Variants in NAALADL2 observed in about 807,000 individuals in gnomAD.
NAALADL2 encodes N-acetylated alpha-linked acidic dipeptidase like 2, also known as inactive N-acetylated-alpha-linked acidic dipeptidase-like protein 2.
In NAALADL2, 76 loss-of-function variants were observed where a neutral mutation model predicts 87.2. That is an observed-to-expected ratio of 0.87 (90% CI 0.72 to 1.05). The LOEUF (loss-of-function observed/expected upper bound fraction) is 1.05, where lower values mean the gene tolerates loss of function less well. NAALADL2 is among the 50% of genes least tolerant of loss of function. NAALADL2 has a pLI of 0.00. For missense variants in NAALADL2, 1,089 were observed against 945.8 expected, an observed-to-expected ratio of 1.15 and a Z score of -1.99; for synonymous variants, 354 against 331.0, an observed-to-expected ratio of 1.07 and a Z score of -0.75.
chr3:174,618,021 T>G (rs1330892683), intron 2 of NAALADL2, among the ~76,000 whole-genome samples: 2 of 151,688 alleles, frequency 1.3e-5, no homozygotes, highest in Non-Finnish European at 3.0e-5. Context: ...AGAAATTCTT[T>G]TAGATATGAA....
intron 3 of NAALADL2, among the ~76,000 whole-genome samples, chr3:175,240,219 C>A (rs58525093): frequency 6.6e-6 from 1 of 152,114 alleles, no homozygotes; most frequent in East Asian, 1.9e-4. Context: ...GAATGCAGAA[C>A]GATTAATCAT....
chr3:174,744,831 C>G (rs1280491962), intron 3 of NAALADL2, among the ~76,000 whole-genome samples: 2 of 152,214 alleles, frequency 1.3e-5, no homozygotes, highest in Middle Eastern at 3.4e-3. Context: ...ATTGAACAAC[C>G]TGTCCCTGAA....
chr3:174,961,089 TATTA>T (rs1258695622), intron 1 of NAALADL2, among the ~76,000 whole-genome samples: 1 of 147,922 alleles, frequency 6.8e-6, no homozygotes, highest in Non-Finnish European at 1.5e-5. Context: ...CATTAAATAA[TATTA>T]ATATAATATA....
At chr3:174,723,907 T>C (rs1731950805) in intron 2 of NAALADL2, among the ~76,000 whole-genome samples, 1 of 152,102 alleles carries the variant, frequency 6.6e-6, no homozygotes, top group African/African-American at 2.4e-5. Flanking sequence ...TGGCCGCTAT[T>C]AGTACGTATG....
chr3:174,711,959 C>T (rs1270491802), intron 2 of NAALADL2, among the ~76,000 whole-genome samples: 1 of 152,016 alleles, frequency 6.6e-6, no homozygotes, highest in Admixed American at 6.5e-5. Context: ...GCCACCACAC[C>T]TGGTTAATTT....
chr3:175,351,364 T>G (rs1219733520), intron 5 of NAALADL2, among the ~76,000 whole-genome samples: 1 of 152,072 alleles, frequency 6.6e-6, no homozygotes, highest in Non-Finnish European at 1.5e-5. Context: ...AATTTTAGTT[T>G]CATACATGAA....
At chr3:174,499,404 A>G (rs866650692) in intron 1 of NAALADL2, among the ~76,000 whole-genome samples, 49 of 152,110 alleles carry the variant, frequency 3.2e-4, no homozygotes, top group Admixed American at 2.8e-3. Flanking sequence ...TGTCATTTAA[A>G]TAGCAGAAGT....
chr3:174,893,354 T>G (rs1382210801), intron 1 of NAALADL2, among the ~76,000 whole-genome samples: 1 of 148,758 alleles, frequency 6.7e-6, no homozygotes, highest in Non-Finnish European at 1.5e-5. Flanking sequence ...AATAATCACC[T>G]GAAGGTACAA....
chr3:175,151,903 C>T (rs1368252535), intron 2 of NAALADL2, among the ~76,000 whole-genome samples: 2 of 152,142 alleles, frequency 1.3e-5, no homozygotes, highest in African/African-American at 2.4e-5. Context: ...GTGAAGGGAA[C>T]ATAGTAATTA....
intron 2 of NAALADL2, among the ~76,000 whole-genome samples, chr3:174,701,186 T>A (rs1012047492): frequency 2.0e-5 from 3 of 151,090 alleles, no homozygotes; most frequent in African/African-American, 7.3e-5. Flanking sequence ...TAATATTTGA[T>A]AATTTTATAA....
At chr3:175,011,016 A>G (rs76697184) in intron 1 of NAALADL2, among the ~76,000 whole-genome samples, 2 of 152,142 alleles carry the variant, frequency 1.3e-5, no homozygotes, top group African/African-American at 2.4e-5. Context: ...TCCTATCAGA[A>G]TTACTAGATT....
At chr3:174,919,906 T>G (rs1467133045) in intron 1 of NAALADL2, among the ~76,000 whole-genome samples, 1 of 152,134 alleles carries the variant, frequency 6.6e-6, no homozygotes, top group Non-Finnish European at 1.5e-5. Flanking sequence ...TTAATCTCCT[T>G]GTACACCTCC....
At chr3:175,377,943 GC>G in intron 5 of NAALADL2, among the ~76,000 whole-genome samples, 1 of 151,640 alleles carries the variant, frequency 6.6e-6, no homozygotes, top group East Asian at 1.9e-4. Flanking sequence ...AATAAACCCC[GC>G]CCCCTGCATT....
At chr3:174,981,872 A>G (rs1745167069) in intron 1 of NAALADL2, among the ~76,000 whole-genome samples, 1 of 152,180 alleles carries the variant, frequency 6.6e-6, no homozygotes, top group Non-Finnish European at 1.5e-5. Flanking sequence ...ACCAGCCATC[A>G]GATCTAATTT....
chr3:175,464,232 C>A (rs183276410), intron 7 of NAALADL2, among the ~76,000 whole-genome samples: 1 of 151,888 alleles, frequency 6.6e-6, no homozygotes, highest in East Asian at 1.9e-4. Context: ...CACTCTGTAT[C>A]CTTGGTCCAT....
intron 1 of NAALADL2, among the ~76,000 whole-genome samples, chr3:174,931,020 G>C (rs1736818552): frequency 6.6e-6 from 1 of 151,718 alleles, no homozygotes; most frequent in South Asian, 2.1e-4. Flanking sequence ...ATACTATCAG[G>C]TTCTTGATGA....
At chr3:175,134,257 A>C (rs1404703516) in intron 2 of NAALADL2, among the ~76,000 whole-genome samples, 1 of 152,250 alleles carries the variant, frequency 6.6e-6, no homozygotes, top group African/African-American at 2.4e-5. Context: ...GATTTTAGAC[A>C]AATTGCTTCA....
chr3:174,904,776 A>G (rs1237554993), intron 1 of NAALADL2, among the ~76,000 whole-genome samples: 1 of 151,836 alleles, frequency 6.6e-6, no homozygotes, highest in Non-Finnish European at 1.5e-5. Context: ...GCTTGAGGCA[A>G]TAATTCACTC....
chr3:175,334,539 G>C (rs1264077441), intron 5 of NAALADL2, among the ~76,000 whole-genome samples: 2 of 151,860 alleles, frequency 1.3e-5, no homozygotes, highest in Non-Finnish European at 1.5e-5. Context: ...TGTTTCTTTT[G>C]GTAGGAAATA....
Sources: gnomAD v4.1 joint callset for allele counts (sites outside exome capture counted in the v4.1 genomes callset) on GRCh38, gnomAD v4.1.1 for gene constraint, MANE v1.5 for transcripts, NCBI Gene and HGNC (gene_info 2026-07-23, HGNC 2026-07-21) for gene names.